Variants in ARNT2 observed in about 807,000 individuals in gnomAD.
ARNT2 encodes the protein aryl hydrocarbon receptor nuclear translocator 2, also known as ARNT protein 2.
A neutral mutation model predicts 91.7 loss-of-function variants in ARNT2; 36 were observed. The ratio of observed to expected loss-of-function variants is 0.39; its 90% confidence interval spans 0.30 to 0.52. ARNT2 has a LOEUF of 0.52. ARNT2 is among the 20% of genes least tolerant of loss of function. The pLI is 0.72. For synonymous variants in ARNT2, 365 were observed against 347.1 expected (o/e 1.05, Z -0.57); for missense variants, 775 against 939.3 (o/e 0.83, Z 2.29).
At chr15:80,500,780 C>A (rs1897181246) in intron 5 of ARNT2, among the ~76,000 whole-genome samples, 1 of 152,148 alleles carries the variant, frequency 6.6e-6, no homozygotes. Context: ...TTACAACCAC[C>A]CAGCTCTGCC....
At chr15:80,488,268 A>G (rs1329602977) in intron 5 of ARNT2, among the ~76,000 whole-genome samples, 1 of 152,188 alleles carries the variant, frequency 6.6e-6, no homozygotes, top group African/African-American at 2.4e-5. Context: ...CATATTTTCT[A>G]TCCCACCAAA....
At chr15:80,454,693 C>A (rs1896456066) in intron 2 of ARNT2, among the ~76,000 whole-genome samples, 1 of 152,232 alleles carries the variant, frequency 6.6e-6, no homozygotes, top group Non-Finnish European at 1.5e-5. Context: ...CAGGATCACT[C>A]CTTTACTGTC....
chr15:80,441,114 A>G (rs1724924805), intron 1 of ARNT2: 1 of 646,452 alleles, frequency 1.5e-6, no homozygotes. Flanking sequence ...AGGAAATCCA[A>G]GTAACCGATT....
intron 1 of ARNT2, among the ~76,000 whole-genome samples, chr15:80,425,148 G>A (rs1176674271): frequency 6.6e-6 from 1 of 152,212 alleles, no homozygotes; most frequent in East Asian, 1.9e-4. Flanking sequence ...CAGTAGCCTT[G>A]TTTCTGTCAA....
rs1245002643 is a variant in ARNT2 at position 80,596,363 on chromosome 15, AT to A, written c.*2668del. 1 of 152,186 alleles carries A rather than the reference AT, an allele frequency of 6.6e-6. No homozygotes were observed. The highest frequency in any genetic ancestry group is 1.9e-4 in the East Asian group (1 of 5,166). 9.4% of individuals were successfully genotyped at this position (152,186 alleles called of 1,614,324 possible). On this transcript the variant is annotated 3_prime_UTR_variant, in exon 19 of 19. Coordinates refer to ENST00000303329, the MANE Select transcript of ARNT2 (RefSeq NM_014862.4). ...AGTCTGACTGCAGTTTTTGCTTATG[AT>A]TTGTAAAAGCCGTCATGGGGTCAAT...
chr15:80,576,564 A>G (rs1898678596), intron 14 of ARNT2, among the ~76,000 whole-genome samples: 2 of 152,218 alleles, frequency 1.3e-5, no homozygotes, highest in South Asian at 2.1e-4. Context: ...GGTGCAAGCC[A>G]CCATGCCTAG....
intron 3 of ARNT2, among the ~76,000 whole-genome samples, chr15:80,461,889 A>T (rs574752687): frequency 4.6e-5 from 7 of 152,308 alleles, no homozygotes; most frequent in African/African-American, 1.7e-4. Context: ...AATTCCAGTT[A>T]TCAAGTCACT....
At chr15:80,551,437 G>A (rs959348951) in intron 9 of ARNT2, among the ~76,000 whole-genome samples, 162 bp downstream of exon 9, 1 of 152,246 alleles carries the variant, frequency 6.6e-6, no homozygotes, top group Non-Finnish European at 1.5e-5. Flanking sequence ...AAATCTAGAA[G>A]AGAAGGGGAC....
chr15:80,539,769 A>G (rs1414925069), intron 8 of ARNT2, among the ~76,000 whole-genome samples: 1 of 151,970 alleles, frequency 6.6e-6, no homozygotes. Flanking sequence ...GCTCAAATGT[A>G]TGAAAAAAAT....
rs79139867 is a variant in ARNT2, at chr15:80,438,569, A to C, written c.32-12311A>C. On this transcript the variant is annotated intron_variant, in intron 1 of 18. Coordinates refer to ENST00000303329, the MANE Select transcript of ARNT2 (RefSeq NM_014862.4). ...TACCAAACAATTCCACAAAGACATA[A>C]TTTATAATATACACTAATAATCTCT... Among the ~76,000 whole-genome samples, 70 of 152,352 alleles carry C rather than the reference A, an allele frequency of 4.6e-4. No individual in the cohort carries two copies. The East Asian group carries it at 0.011, about 24-fold the overall frequency.
intron 6 of ARNT2, among the ~76,000 whole-genome samples, chr15:80,511,959 T>C (rs998413829): frequency 6.6e-6 from 1 of 152,150 alleles, no homozygotes; most frequent in African/African-American, 2.4e-5. Context: ...GCAGGAGATA[T>C]GGCATGTAGG....
At chr15:80,497,582 T>G (rs146345714) in intron 5 of ARNT2, among the ~76,000 whole-genome samples, 83 of 152,268 alleles carry the variant, frequency 5.5e-4, no homozygotes, top group Middle Eastern at 6.8e-3. Flanking sequence ...ACCTGGTCAA[T>G]TGTGAGGTAA....
chr15:80,462,693 T>C (rs1566979417), intron 3 of ARNT2, among the ~76,000 whole-genome samples: 1 of 152,318 alleles, frequency 6.6e-6, no homozygotes, highest in East Asian at 1.9e-4. Context: ...TTTAACCTTT[T>C]TAGAAATGGC....
At chr15:80,470,478 C>A (rs142218578) in intron 4 of ARNT2, 47 bp downstream of exon 4, 7 of 1,589,060 alleles carry the variant, frequency 4.4e-6, no homozygotes, top group South Asian at 1.1e-5. Context: ...GGAATCCCAG[C>A]GTCACCAAGA....
intron 8 of ARNT2, among the ~76,000 whole-genome samples, chr15:80,541,642 T>A (rs1038505437): frequency 5.9e-5 from 9 of 152,234 alleles, no homozygotes; most frequent in Non-Finnish European, 1.2e-4. Flanking sequence ...GACCATTTTT[T>A]AATTGAGGAT....
chr15:80,515,964 G>T (rs937245727), intron 8 of ARNT2, among the ~76,000 whole-genome samples: 5 of 151,498 alleles, frequency 3.3e-5, no homozygotes, highest in Non-Finnish European at 7.4e-5. Flanking sequence ...CCACCTCCCG[G>T]GTTCAAGCGA....
At chr15:80,538,591 A>G (rs1398565448) in intron 8 of ARNT2, among the ~76,000 whole-genome samples, 1 of 152,196 alleles carries the variant, frequency 6.6e-6, no homozygotes, top group African/African-American at 2.4e-5. Flanking sequence ...TGGCCAAAAC[A>G]ATGTTTAGAG....
intron 8 of ARNT2, among the ~76,000 whole-genome samples, chr15:80,515,750 AT>A (rs1897424095): frequency 6.6e-6 from 1 of 151,560 alleles, no homozygotes; most frequent in Non-Finnish European, 1.5e-5. Context: ...AAAAAAAAAA[AT>A]ACAATGTTAA....
intron 1 of ARNT2, among the ~76,000 whole-genome samples, chr15:80,441,018 C>T (rs887378612): frequency 1.3e-5 from 2 of 152,222 alleles, no homozygotes; most frequent in African/African-American, 4.8e-5. Flanking sequence ...CTTGCTTGGA[C>T]TTCAAGAAAA....
Sources: gnomAD v4.1 joint callset for allele counts (sites outside exome capture counted in the v4.1 genomes callset) on GRCh38, gnomAD v4.1.1 for gene constraint, MANE v1.5 for transcripts, NCBI Gene and HGNC (gene_info 2026-07-23, HGNC 2026-07-21) for gene names.